The following FOCAD variants were observed in gnomAD, a reference collection of about 807,000 sequenced individuals.
FOCAD encodes focadhesin, also known as KIAA1797.
Under a neutral mutation model 225.6 loss-of-function variants are expected in FOCAD, and 198 were observed. The ratio of observed to expected loss-of-function variants is 0.88; its 90% CI spans 0.78 to 0.99. FOCAD has a LOEUF of 0.99. Among genes scored for constraint, FOCAD ranks in the 50% least tolerant of loss-of-function variants. FOCAD has a pLI of 0.00. For synonymous variants in FOCAD, 897 were observed against 755.0 expected (o/e 1.19, Z -3.08); for missense variants, 2,713 against 2,123.6 (o/e 1.28, Z -5.46).
chr9:20,758,267 T>G (rs1415919462), intron 6 of FOCAD, 76 bp downstream of exon 6: 13 of 1,015,498 alleles, frequency 1.3e-5, no homozygotes, highest in East Asian at 5.5e-5. Context: ...TAGGGTTTTT[T>G]TTTGTTTGTT....
At chr9:20,842,772 G>C (rs372119136) in intron 15 of FOCAD, among the ~76,000 whole-genome samples, 1 of 151,708 alleles carries the variant, frequency 6.6e-6, no homozygotes, top group East Asian at 1.9e-4. Flanking sequence ...ATTGTTTTCT[G>C]GTTGTTTTGT....
At chr9:20,835,906 A>AG (rs1825951019) in intron 15 of FOCAD, among the ~76,000 whole-genome samples, 1 of 152,006 alleles carries the variant, frequency 6.6e-6, no homozygotes, top group Admixed American at 6.6e-5. Context: ...GATAAGGAGG[A>AG]GGGGCGGCCT....
chr9:20,980,503 T>TTAAG (rs5896917), intron 37 of FOCAD, among the ~76,000 whole-genome samples: 2 of 151,610 alleles, frequency 1.3e-5, no homozygotes, highest in Admixed American at 1.3e-4. Context: ...TCTTGGTTAA[T>TTAAG]AAATTAAGTT....
At chr9:20,812,766 T>C (rs1348975094) in intron 11 of FOCAD, among the ~76,000 whole-genome samples, 1 of 152,112 alleles carries the variant, frequency 6.6e-6, no homozygotes, top group African/African-American at 2.4e-5. Context: ...TTTGTGGTCT[T>C]TTTGGGCCTC....
At position 20,741,386 on chromosome 9, in the gene FOCAD, A is replaced by G. The variant is rs1035186068; in HGVS notation, c.392+1046A>G. Among the ~76,000 whole-genome samples the G allele has an allele frequency of 4.6e-5, 7 of 152,164 alleles. No homozygotes were observed. In the East Asian group the frequency reaches 7.7e-4, roughly 17 times the overall value. On this transcript the variant is annotated intron_variant, in intron 5 of 43. Coordinates refer to ENST00000338382, the MANE Select transcript of FOCAD (RefSeq NM_001375567.1). ...TAAATGGGATGGTCTGTGTCGTGGT[A>G]TATCTCATATACCATGATCTTCCGT...
At chr9:20,934,601 G>A (rs553364312) in intron 28 of FOCAD, among the ~76,000 whole-genome samples, 1 of 151,666 alleles carries the variant, frequency 6.6e-6, no homozygotes, top group South Asian at 2.1e-4. Flanking sequence ...TGTTCTATGT[G>A]CCTAGTTTTA....
At chr9:20,961,142 T>A (rs182013744) in intron 35 of FOCAD, among the ~76,000 whole-genome samples, 1 of 151,552 alleles carries the variant, frequency 6.6e-6, no homozygotes, top group Non-Finnish European at 1.5e-5. Flanking sequence ...GCTCCTCTCC[T>A]CTCCTCTCCA....
chr9:20,773,936 C>T (rs1338933837), intron 8 of FOCAD, among the ~76,000 whole-genome samples: 1 of 152,168 alleles, frequency 6.6e-6, no homozygotes, highest in African/African-American at 2.4e-5. Context: ...GGAACTGGGC[C>T]ACACACAGGA....
chr9:20,867,834 G>A (rs1829422599), intron 18 of FOCAD, among the ~76,000 whole-genome samples: 1 of 152,008 alleles, frequency 6.6e-6, no homozygotes, highest in Admixed American at 6.6e-5. Context: ...GAATTCCTTG[G>A]GATCCTCAGG....
intron 26 of FOCAD, among the ~76,000 whole-genome samples, chr9:20,927,283 T>C (rs1835044254): frequency 6.6e-6 from 1 of 152,152 alleles, no homozygotes; most frequent in Non-Finnish European, 1.5e-5. Context: ...TTTGTCCTGA[T>C]TTATAAAATG....
chr9:20,691,774 C>T (rs1340352735), intron 1 of FOCAD, among the ~76,000 whole-genome samples: 1 of 144,140 alleles, frequency 6.9e-6, no homozygotes, highest in Non-Finnish European at 1.5e-5. Flanking sequence ...GCCACCAAGC[C>T]CGGCCAATTT....
rs1840774079 is a variant in FOCAD at position 20,982,362 on chromosome 9, G to T, written c.4644G>T (p.Lys1548Asn). ...FDLLPNKIRR[K>N]DLELYISIAK... is the part of the protein sequence containing the mutation. Reference sequence around the variant, plus strand: ...TTGGGATTTTTCTTTATCAGAGAAAGGATCTAGAGCTGTATATCAGCATAG... The same window carrying T: ...TTGGGATTTTTCTTTATCAGAGAAATGATCTAGAGCTGTATATCAGCATAG... Residue 1548 changes from lysine (K) to asparagine (N), a missense_variant, in exon 39 of 44, where the codon AAG (lysine) becomes AAT (asparagine). Coordinates refer to ENST00000338382, the MANE Select transcript of FOCAD (RefSeq NM_001375567.1). 1 of 1,608,984 alleles carries T rather than the reference G, an allele frequency of 6.2e-7. No individual in the cohort carries two copies. The highest frequency in any genetic ancestry group is 1.1e-5 in the South Asian group (1 of 90,130).
At chr9:20,741,573 T>C (rs1460714034) in intron 5 of FOCAD, among the ~76,000 whole-genome samples, 2 of 152,094 alleles carry the variant, frequency 1.3e-5, no homozygotes. Context: ...TACAATGAAT[T>C]AATTTATTTT....
rs576766175 is a variant in FOCAD at position 20,918,179 on chromosome 9, A to G, written c.2852+1242A>G. On this transcript the variant is annotated intron_variant, in intron 24 of 43. Coordinates refer to ENST00000338382, the MANE Select transcript of FOCAD (RefSeq NM_001375567.1). ...TTGTTCTCTTATGTAGTCTACATAT[A>G]TCCTATTAAAAGCAGTGCTCTGACA... Among the ~76,000 whole-genome samples the G allele has an allele frequency of 5.0e-4, 76 of 152,322 alleles. 2 individuals carry two copies. The South Asian group carries it at 0.016, about 31-fold the overall frequency.
upstream of FOCAD, among the ~76,000 whole-genome samples, chr9:20,656,940 G>A (rs1407813914): frequency 9.9e-5 from 15 of 151,324 alleles, no homozygotes; most frequent in African/African-American, 3.2e-4. Flanking sequence ...CATGTTTAGC[G>A]CTTCCTTCAG....
chr9:20,919,277 A>C (rs1834157978), intron 24 of FOCAD, among the ~76,000 whole-genome samples: 1 of 152,198 alleles, frequency 6.6e-6, no homozygotes, highest in Non-Finnish European at 1.5e-5. Flanking sequence ...GGACCTCTTC[A>C]AGGAGAACTA....
intron 15 of FOCAD, among the ~76,000 whole-genome samples, chr9:20,833,091 C>G (rs541252963): frequency 6.6e-6 from 1 of 152,126 alleles, no homozygotes; most frequent in Non-Finnish European, 1.5e-5. Flanking sequence ...ATACTGTTTT[C>G]TGTAATAGCT....
intron 8 of FOCAD, among the ~76,000 whole-genome samples, chr9:20,774,400 A>G (rs1313575678): frequency 6.6e-6 from 1 of 152,184 alleles, no homozygotes; most frequent in Non-Finnish European, 1.5e-5. Context: ...CTATTAATTC[A>G]TTAGGAGTTG....
At chr9:20,853,970 G>T (rs1827920781) in intron 15 of FOCAD, among the ~76,000 whole-genome samples, 2 of 151,732 alleles carry the variant, frequency 1.3e-5, no homozygotes, top group Non-Finnish European at 3.0e-5. Context: ...GAAGCATCCT[G>T]TTTTATGAAT....
Sources: allele counts gnomAD v4.1 joint callset (sites outside exome capture counted in the v4.1 genomes callset), GRCh38; gene constraint gnomAD v4.1.1; transcripts MANE v1.5; gene names NCBI Gene and HGNC (gene_info 2026-07-23, HGNC 2026-07-21).